The following SAP130 variants were observed in gnomAD, a reference collection of about 807,000 sequenced individuals.
SAP130 encodes the protein Sin3A associated protein 130, also known as histone deacetylase complex subunit SAP130.
Under a neutral mutation model 103.2 loss-of-function variants are expected in SAP130, and 16 were observed. The observed-to-expected ratio is 0.16, with a 90% CI of 0.10 to 0.24. SAP130 has a LOEUF of 0.24. SAP130 is among the 10% of genes least tolerant of loss of function. SAP130 has a pLI of 1.00. For missense variants in SAP130, 990 were observed against 1,359.7 expected, an observed-to-expected ratio of 0.73 and a Z score of 4.28; for synonymous variants, 477 against 497.0, an observed-to-expected ratio of 0.96 and a Z score of 0.53.
intron 4 of SAP130, among the ~76,000 whole-genome samples, chr2:128,015,552 T>C (rs2105199484): frequency 6.6e-6 from 1 of 152,150 alleles, no homozygotes; most frequent in Middle Eastern, 3.4e-3. Context: ...TTTCCCCAGG[T>C]AAAAAATGTA....
intron 16 of SAP130, among the ~76,000 whole-genome samples, chr2:127,954,457 G>T (rs774844189): frequency 1.3e-5 from 2 of 150,270 alleles, no homozygotes; most frequent in Non-Finnish European, 3.0e-5. Context: ...AAAAAAAAAA[G>T]AAAGAAAACC....
At chr2:127,943,196 A>C (rs985341274) in intron 19 of SAP130, among the ~76,000 whole-genome samples, 2 of 152,144 alleles carry the variant, frequency 1.3e-5, no homozygotes, top group African/African-American at 4.8e-5. Context: ...AAGGCACTAC[A>C]TTTTTTTAGA....
intron 2 of SAP130, among the ~76,000 whole-genome samples, chr2:128,018,988 C>T (rs1684973131): frequency 6.6e-6 from 1 of 151,002 alleles, no homozygotes. Flanking sequence ...ATCTCAGCTA[C>T]TAGGGAAGAT....
intron 14 of SAP130, among the ~76,000 whole-genome samples, chr2:127,980,633 C>T (rs560485114): frequency 1.9e-4 from 29 of 152,186 alleles, no homozygotes; most frequent in Non-Finnish European, 4.0e-4. Context: ...TACTGTTATA[C>T]ATGGTATTTT....
rs972433298 is a variant in SAP130, at chr2:127,950,379, A to G, written c.2452T>C (p.Ser818Pro). The G allele has an allele frequency of 6.2e-7, 1 of 1,614,218 alleles. No homozygotes were observed. ...TTTGCCAGCAATGCAAGAGATGGAGACACAGTGTTGGTAGCCAGTGGAGGA... is the reference window on the plus strand; with the variant it reads ...TTTGCCAGCAATGCAAGAGATGGAGGCACAGTGTTGGTAGCCAGTGGAGGA... ...AVPPLATNTVSPSLALLANNL... is the reference protein window; with the variant it reads ...AVPPLATNTVPPSLALLANNL... Residue 818 changes from serine to proline, a missense_variant, in exon 17 of 21, where the codon TCT becomes CCT. Physicochemically the swap from Ser to Pro is moderately conservative, Grantham distance 74. This residue lies in a region of SAP130 where 349 missense variants were observed against 384.1 expected (regional missense o/e 0.91). Transcript: ENST00000643581.
chr2:127,998,557 T>G (rs915471717), intron 10 of SAP130, among the ~76,000 whole-genome samples: 1 of 152,188 alleles, frequency 6.6e-6, no homozygotes, highest in Non-Finnish European at 1.5e-5. Context: ...CTTAGAGAGA[T>G]CCTATTATAA....
chr2:128,017,622 C>G, intron 3 of SAP130, 58 bp downstream of exon 3: 1 of 1,412,824 alleles, frequency 7.1e-7, no homozygotes, highest in Non-Finnish European at 1.0e-6. Context: ...CAAATTGTTA[C>G]AAACATTAGC....
intron 18 of SAP130, among the ~76,000 whole-genome samples, chr2:127,946,858 T>TG (rs1331034148): frequency 6.7e-6 from 1 of 150,200 alleles, no homozygotes; most frequent in Non-Finnish European, 1.5e-5. Context: ...TACTGCAGCC[T>TG]GGGGGACAGA....
chr2:127,960,914 TATA>T (rs1357336480), intron 15 of SAP130, among the ~76,000 whole-genome samples: 2 of 152,176 alleles, frequency 1.3e-5, no homozygotes, highest in Non-Finnish European at 2.9e-5. Context: ...ATCAATGAAA[TATA>T]ATAATTTCTT....
chr2:128,020,992 A>T (rs1685113743), intron 2 of SAP130, among the ~76,000 whole-genome samples: 1 of 152,180 alleles, frequency 6.6e-6, no homozygotes, highest in Admixed American at 6.5e-5. Context: ...TCTGTCTCAA[A>T]AAAAAAGTGA....
intron 13 of SAP130, among the ~76,000 whole-genome samples, chr2:127,988,598 C>T (rs142522639): frequency 1.3e-5 from 2 of 151,534 alleles, no homozygotes; most frequent in South Asian, 2.1e-4. Context: ...GCTTGTAATC[C>T]CAGCACTTTG....
chr2:127,945,701 G>A (rs1679030851), intron 18 of SAP130, 142 bp from the exon 19 acceptor site: 1 of 611,190 alleles, frequency 1.6e-6, no homozygotes, highest in Non-Finnish European at 2.9e-6. Context: ...CACCCAGGCT[G>A]AAGTGCAGTG....
At position 128,021,782 on chromosome 2, in the gene SAP130, A is replaced by G. The variant is rs553572951; in HGVS notation, c.113-3867T>C. 2.6e-5 allele frequency among the ~76,000 whole-genome samples: 4 copies of G among 152,018 alleles called. No homozygotes were observed. The East Asian group carries it at 7.7e-4, about 29-fold the overall frequency. ...TACAAGCTGCTCCTCTTCCTTACTC[A>G]TTGCTTGATATACAGCCATTCTAGT... On this transcript the variant is annotated intron_variant, in intron 2 of 20. Transcript: ENST00000643581.
chr2:127,966,380 T>C (rs551395382), intron 15 of SAP130, among the ~76,000 whole-genome samples: 1 of 151,750 alleles, frequency 6.6e-6, no homozygotes, highest in African/African-American at 2.4e-5. Context: ...ACAAACTTCA[T>C]TGTAAATTAG....
At chr2:128,018,156 T>C (rs1684904184) in intron 2 of SAP130, among the ~76,000 whole-genome samples, 1 of 152,038 alleles carries the variant, frequency 6.6e-6, no homozygotes, top group African/African-American at 2.4e-5. Context: ...ACAAACTACC[T>C]GAAAATCATC....
rs1249356476 is a variant in SAP130 at position 128,026,194 on chromosome 2, G to C, written c.99C>G (p.Asn33Lys). ...IANSGSAGLI[N>K]PAATVNDESG... ...TACATATCTCACCTGTAGCAGCTGG[G>C]TTTATCAATCCAGCAGAACCACTGT... The change falls in exon 2 of 21, where the codon AAC becomes AAG. Residue 33 changes from asparagine to lysine, a missense_variant. Asn to Lys is a moderately conservative substitution (Grantham distance 94, BLOSUM62 0). Around this residue, in one of 6 missense-constraint regions of SAP130, gnomAD observed 167 missense variants for 187.4 expected, o/e 0.89. Coordinates refer to ENST00000643581, the MANE Select transcript of SAP130 (RefSeq NM_001330301.2). The C allele has an allele frequency of 3.1e-6, 5 of 1,608,422 alleles. No homozygotes were observed. Among genetic ancestry groups the C allele is most frequent in the Non-Finnish European group, 3.4e-6 (4 of 1,174,768 alleles).
At chr2:128,021,818 G>A (rs1685182375) in intron 2 of SAP130, among the ~76,000 whole-genome samples, 1 of 152,128 alleles carries the variant, frequency 6.6e-6, no homozygotes, top group African/African-American at 2.4e-5. Context: ...GGGTTGTAGT[G>A]TGTGTCTCAC....
At chr2:127,947,075 G>A (rs893160954) in intron 18 of SAP130, among the ~76,000 whole-genome samples, 1 of 151,402 alleles carries the variant, frequency 6.6e-6, no homozygotes, top group Non-Finnish European at 1.5e-5. Flanking sequence ...ACACAGAGAA[G>A]AATGCCATTT....
In SAP130 at chr2:127,956,018, AGTT is replaced by A. The variant is rs1057264049; in HGVS notation, c.2064-677_2064-675del. On this transcript the variant is annotated intron_variant, in intron 15 of 20. Coordinates refer to ENST00000643581, the MANE Select transcript of SAP130 (RefSeq NM_001330301.2). ...TCCTTAATATATATGTTGTCTTTGG[AGTT>A]GTTATTTTTCTGTTTTTTTTTCTTT... 2.6e-5 allele frequency among the ~76,000 whole-genome samples: 4 copies of A among 152,062 alleles called. No homozygotes were observed. The South Asian group carries it at 6.2e-4, about 24-fold the overall frequency.
Sources: allele counts gnomAD v4.1 joint callset (sites outside exome capture counted in the v4.1 genomes callset), GRCh38; gene constraint gnomAD v4.1.1; regional missense constraint gnomAD v4.1.1; transcripts MANE v1.5; gene names NCBI Gene and HGNC (gene_info 2026-07-23, HGNC 2026-07-21).